BICD1: variants seen among roughly 807,000 people sequenced by gnomAD.
The protein encoded by BICD1 is BICD cargo adaptor 1, also known as protein bicaudal D homolog 1.
Under a neutral mutation model 92.5 loss-of-function variants are expected in BICD1, and 35 were observed. That is an observed-to-expected ratio of 0.38 (90% CI 0.29 to 0.50). The LOEUF is 0.50. Ranked by LOEUF, BICD1 falls within the 20% of genes least tolerant of loss-of-function variation. BICD1 has a pLI of 0.93. For synonymous variants in BICD1, 429 were observed against 465.1 expected (o/e 0.92, Z 1.00); for missense variants, 950 against 1,189.8 (o/e 0.80, Z 2.97).
intron 2 of BICD1, among the ~76,000 whole-genome samples, chr12:32,286,759 G>A (rs1341474823): frequency 6.6e-6 from 1 of 152,090 alleles, no homozygotes; most frequent in Non-Finnish European, 1.5e-5. Context: ...TTGTATACCT[G>A]TTTTATTATT....
At chr12:32,157,158 T>C (rs970819195) in intron 1 of BICD1, among the ~76,000 whole-genome samples, 6 of 152,224 alleles carry the variant, frequency 3.9e-5, no homozygotes, top group Admixed American at 2.6e-4. Context: ...ATATTTGATA[T>C]TGATTCAGGA....
chr12:32,242,752 TTAAATC>T (rs1565612726), intron 2 of BICD1, among the ~76,000 whole-genome samples: 1 of 152,238 alleles, frequency 6.6e-6, no homozygotes, highest in Non-Finnish European at 1.5e-5. Flanking sequence ...GTTCCTGTTT[TTAAATC>T]TACTGATCGT....
At chr12:32,194,904 T>C (rs1565579072) in intron 1 of BICD1, among the ~76,000 whole-genome samples, 1 of 150,672 alleles carries the variant, frequency 6.6e-6, no homozygotes, top group African/African-American at 2.4e-5. Context: ...TAAAACAAAA[T>C]AAAATGAAAT....
chr12:32,308,870 T>C (rs1948299686), intron 4 of BICD1, among the ~76,000 whole-genome samples: 1 of 152,160 alleles, frequency 6.6e-6, no homozygotes, highest in Non-Finnish European at 1.5e-5. Flanking sequence ...GGTCCTTATA[T>C]CCCAAAGTTT....
intron 1 of BICD1, among the ~76,000 whole-genome samples, chr12:32,195,712 C>T (rs556150925): frequency 6.6e-6 from 1 of 152,260 alleles, no homozygotes; most frequent in African/African-American, 2.4e-5. Context: ...CAACCTTGGT[C>T]TTGGCAATGA....
At chr12:32,211,288 C>A (rs919217989) in intron 1 of BICD1, among the ~76,000 whole-genome samples, 3 of 152,164 alleles carry the variant, frequency 2.0e-5, no homozygotes, top group Non-Finnish European at 4.4e-5. Context: ...AGTGAAGGGC[C>A]AAGTTCTTCA....
At chr12:32,261,902 T>C (rs947015248) in intron 2 of BICD1, among the ~76,000 whole-genome samples, 10 of 152,166 alleles carry the variant, frequency 6.6e-5, no homozygotes, top group Non-Finnish European at 1.2e-4. Flanking sequence ...TGACAGGCCA[T>C]GTTTGTGAGT....
intron 1 of BICD1, among the ~76,000 whole-genome samples, chr12:32,148,633 A>G (rs1943188500): frequency 6.6e-6 from 1 of 152,182 alleles, no homozygotes; most frequent in South Asian, 2.1e-4. Context: ...GCAGACAGGC[A>G]GGTAGGAACT....
intron 1 of BICD1, among the ~76,000 whole-genome samples, chr12:32,164,414 A>G (rs192865863): frequency 6.6e-6 from 1 of 152,370 alleles, no homozygotes. Context: ...ATAAATCAGA[A>G]TATATGGTTC....
At chr12:32,332,571 C>A in intron 5 of BICD1, 1 of 507,912 alleles carries the variant, frequency 2.0e-6, no homozygotes, top group Non-Finnish European at 2.5e-6. Context: ...CCAGAAGACT[C>A]AGCCTCCTGG....
At chr12:32,315,718 G>A (rs190033441) in intron 4 of BICD1, among the ~76,000 whole-genome samples, 2 of 152,156 alleles carry the variant, frequency 1.3e-5, no homozygotes, top group East Asian at 1.9e-4. Context: ...ATTTAACAAT[G>A]GTGTTAAAGC....
chr12:32,196,708 A>G (rs866883380), intron 1 of BICD1, among the ~76,000 whole-genome samples: 2 of 152,192 alleles, frequency 1.3e-5, no homozygotes, highest in African/African-American at 4.8e-5. Flanking sequence ...AATGTTCAAC[A>G]TGGTGAATAT....
At chr12:32,297,388 G>C (rs1308843094) in intron 3 of BICD1, among the ~76,000 whole-genome samples, 4 of 151,954 alleles carry the variant, frequency 2.6e-5, no homozygotes. Context: ...GTTGAGACAG[G>C]GTTTTGCCAT....
chr12:32,342,905 A>G (rs1285242684), intron 8 of BICD1, among the ~76,000 whole-genome samples: 1 of 152,214 alleles, frequency 6.6e-6, no homozygotes, highest in Non-Finnish European at 1.5e-5. Context: ...AGAATATTGT[A>G]TAGTAATTGA....
At chr12:32,206,700 C>T (rs921628105) in intron 1 of BICD1, among the ~76,000 whole-genome samples, 6 of 152,326 alleles carry the variant, frequency 3.9e-5, no homozygotes, top group African/African-American at 1.2e-4. Flanking sequence ...TTCACAGCTA[C>T]ATTGTTTATA....
At chr12:32,265,547 GAAAAAAAA>G (rs11341415) in intron 2 of BICD1, among the ~76,000 whole-genome samples, 2 of 125,708 alleles carry the variant, frequency 1.6e-5, no homozygotes, top group Admixed American at 8.4e-5. Context: ...CGTTTCTACA[GAAAAAAAA>G]AAAAAAAAAG....
In BICD1 at chr12:32,218,936, A is replaced by G. The variant is rs1318202085; in HGVS notation, c.426+2477A>G. Reference sequence around the variant, plus strand: ...GAGCTAACATAAAAGGAGAATAGGAATAAATTCTATTTTTTGGTGTATTGA... The same window carrying G: ...GAGCTAACATAAAAGGAGAATAGGAGTAAATTCTATTTTTTGGTGTATTGA... On this transcript the variant is annotated intron_variant, in intron 2 of 9. Transcript: ENST00000652176. Among the ~76,000 whole-genome samples the G allele has an allele frequency of 3.3e-5, 5 of 152,204 alleles. No individual in the cohort carries two copies. In the East Asian group the frequency reaches 9.6e-4, roughly 29 times the overall value.
At chr12:32,259,264 A>C (rs1946797581) in intron 2 of BICD1, among the ~76,000 whole-genome samples, 1 of 152,110 alleles carries the variant, frequency 6.6e-6, no homozygotes, top group African/African-American at 2.4e-5. Flanking sequence ...TTTGTATTAT[A>C]ACTATTCTAA....
intron 1 of BICD1, among the ~76,000 whole-genome samples, chr12:32,166,266 G>T (rs527979824): frequency 6.6e-6 from 1 of 151,984 alleles, no homozygotes; most frequent in Non-Finnish European, 1.5e-5. Context: ...CTCCCAAGTA[G>T]CTGGGATTAC....
Sources: allele counts gnomAD v4.1 joint callset (sites outside exome capture counted in the v4.1 genomes callset), GRCh38; gene constraint gnomAD v4.1.1; transcripts MANE v1.5; gene names NCBI Gene and HGNC (gene_info 2026-07-23, HGNC 2026-07-21).